The following CLUL1 variants were observed in gnomAD, a reference collection of about 807,000 sequenced individuals.
The protein encoded by CLUL1 is clusterin-like protein 1.
A neutral mutation model predicts 49.4 loss-of-function variants in CLUL1; 43 were observed. That is an observed-to-expected ratio of 0.87 (90% CI 0.68 to 1.12). CLUL1 has a LOEUF of 1.12. Among genes scored for constraint, CLUL1 ranks in the 50% most tolerant of loss-of-function variants. CLUL1 has a pLI of 0.00. For synonymous variants in CLUL1, 192 were observed against 184.9 expected (o/e 1.04, Z -0.31); for missense variants, 486 against 544.4 (o/e 0.89, Z 1.07).
intron 2 of CLUL1, among the ~76,000 whole-genome samples, chr18:610,856 G>A (rs1388991674): frequency 6.6e-6 from 1 of 152,082 alleles, no homozygotes; most frequent in Non-Finnish European, 1.5e-5. Flanking sequence ...GGGAAACATG[G>A]TGAGACCTTG....
At chr18:649,824 A>T in intron 9 of CLUL1, 74 bp from the exon 10 acceptor site, 1 of 1,039,790 alleles carries the variant, frequency 9.6e-7, no homozygotes, top group South Asian at 1.4e-5. Flanking sequence ...CTTTTACTCC[A>T]AGAAAAAATA....
chr18:641,614 G>A, intron 8 of CLUL1, 73 bp downstream of exon 8: 1 of 1,276,022 alleles, frequency 7.8e-7, no homozygotes, highest in Non-Finnish European at 1.1e-6. Context: ...ATTTACTTAT[G>A]AATTGTGTCT....
rs751234034 is a variant in CLUL1, at chr18:641,559, G to C, written c.1209+18G>C. On this transcript the variant is annotated intron_variant, in intron 8 of 9. Transcript: ENST00000692774. Reference sequence around the variant, plus strand: ...CAATACAGGTAAAGGAGAGACCCAAGAGCAGATACGGAAATGACACGTGCA... The same window carrying C: ...CAATACAGGTAAAGGAGAGACCCAACAGCAGATACGGAAATGACACGTGCA... 1.9e-6 allele frequency: 3 copies of C among 1,598,998 alleles called. No homozygotes were observed. The East Asian group carries it at 6.7e-5, about 36-fold the overall frequency.
chr18:636,906 C>T (rs983245284), intron 7 of CLUL1, among the ~76,000 whole-genome samples: 6 of 152,148 alleles, frequency 3.9e-5, no homozygotes, highest in African/African-American at 1.4e-4. Flanking sequence ...GGATTACAGG[C>T]GTGAGCCACC....
intron 7 of CLUL1, among the ~76,000 whole-genome samples, chr18:635,849 G>C (rs2074121036): frequency 6.6e-6 from 1 of 152,136 alleles, no homozygotes; most frequent in Non-Finnish European, 1.5e-5. Flanking sequence ...CGATTCTGCT[G>C]CCTCAGCCTC....
At chr18:612,756 A>G (rs1301477647) in intron 2 of CLUL1, 1 of 152,200 alleles carries the variant, frequency 6.6e-6, no homozygotes, top group African/African-American at 2.4e-5. Context: ...TTATTTGTGT[A>G]TTGTCCAGTT....
chr18:641,247 G>C (rs775353889), intron 7 of CLUL1, 80 bp from the exon 8 acceptor site: 2 of 1,149,924 alleles, frequency 1.7e-6, no homozygotes, highest in Non-Finnish European at 2.6e-6. Flanking sequence ...AGAATGTAAG[G>C]GCTGGGACTT....
rs973992528 is a variant in CLUL1 at position 607,126 on chromosome 18, T to G, written c.-14+27T>G. On this transcript the variant is annotated intron_variant, in intron 2 of 9. Coordinates refer to ENST00000692774, the MANE Select transcript of CLUL1 (RefSeq NM_001393344.1). ...TATGCACCGCTATACCCGTCTATCT[T>G]TTATTTATTTATTTATTTAGAGACA... is the stretch of plus-strand genomic sequence containing the variant. 7.2e-6 allele frequency: 5 copies of G among 695,366 alleles called. No homozygotes were observed. The African/African-American group carries it at 8.8e-5, about 12-fold the overall frequency. The allele number at this position is 695,366 out of a possible 1,614,324, so 43.1% of individuals were successfully genotyped here. A position where few individuals can be genotyped will look rare whatever the true frequency, so the allele number is the denominator to read the frequency against.
At chr18:641,272 C>A in intron 7 of CLUL1, 55 bp from the exon 8 acceptor site, 2 of 1,495,676 alleles carry the variant, frequency 1.3e-6, no homozygotes, top group South Asian at 1.2e-5. Flanking sequence ...CCATGTTGCC[C>A]ACCTCCAAGT....
Position 645,839 on chromosome 18 carries a change from A to G in CLUL1, c.1397+742A>G, listed in dbSNP as rs1173220418. Among the ~76,000 whole-genome samples the G allele has an allele frequency of 8.5e-4, 106 of 124,162 alleles. 10 individuals are homozygous for G. Among genetic ancestry groups the G allele is most frequent in the African/African-American group, 3.1e-3 (101 of 32,638 alleles). The allele number at this position is 124,162 out of a possible 152,430, so 81.5% of individuals were successfully genotyped here. A position where few individuals can be genotyped will look rare whatever the true frequency, so the allele number is the denominator to read the frequency against. ...TATATATATATATATATATATATAT[A>G]TATATATATATATGTTAAACATACT... On this transcript the variant is annotated intron_variant, in intron 9 of 9. Transcript: ENST00000692774.
chr18:649,743 A>G (rs547245739), intron 9 of CLUL1, 155 bp from the exon 10 acceptor site: 245 of 578,492 alleles, frequency 4.2e-4, no homozygotes, highest in Non-Finnish European at 6.8e-4. Flanking sequence ...TATGGGTTTC[A>G]CATTATTTTG....
intron 9 of CLUL1, among the ~76,000 whole-genome samples, chr18:645,663 G>A (rs1400085156): frequency 1.2e-4 from 18 of 149,334 alleles, no homozygotes; most frequent in East Asian, 5.9e-4. Flanking sequence ...GCGTGGTGGC[G>A]GGCGCCTGTA....
intron 4 of CLUL1, among the ~76,000 whole-genome samples, chr18:624,591 A>C (rs2073619080): frequency 6.6e-6 from 1 of 152,210 alleles, no homozygotes; most frequent in African/African-American, 2.4e-5. Context: ...CCACACCTAG[A>C]GTAATGTCTG....
At chr18:628,446 G>A (rs1464574990) in intron 6 of CLUL1, among the ~76,000 whole-genome samples, 1 of 152,126 alleles carries the variant, frequency 6.6e-6, no homozygotes, top group Non-Finnish European at 1.5e-5. Context: ...TTTTAAGGCG[G>A]CAGATATCTT....
chr18:625,862 G>A (rs570068794), intron 5 of CLUL1, among the ~76,000 whole-genome samples: 2 of 152,258 alleles, frequency 1.3e-5, no homozygotes, highest in East Asian at 1.9e-4. Flanking sequence ...TAATGAATGC[G>A]CCAAGTTAAT....
intron 8 of CLUL1, among the ~76,000 whole-genome samples, chr18:641,983 T>G (rs2074357047): frequency 6.6e-6 from 1 of 152,206 alleles, no homozygotes; most frequent in Non-Finnish European, 1.5e-5. Flanking sequence ...GTAACAATCA[T>G]AGCTATCTTA....
intron 1 of CLUL1, among the ~76,000 whole-genome samples, chr18:600,476 T>C (rs567309398): frequency 3.3e-5 from 5 of 152,312 alleles, no homozygotes; most frequent in Admixed American, 2.6e-4. Context: ...GGTACAGTAG[T>C]TGTGTCTGTA....
At chr18:598,258 A>G (rs1037048454) in intron 1 of CLUL1, 1 of 307,914 alleles carries the variant, frequency 3.2e-6, no homozygotes, top group Non-Finnish European at 5.9e-6. Context: ...ATGAATGCAT[A>G]GAAGAGGACA....
At chr18:640,590 C>T (rs1417898453) in intron 7 of CLUL1, among the ~76,000 whole-genome samples, 1 of 152,120 alleles carries the variant, frequency 6.6e-6, no homozygotes, top group African/African-American at 2.4e-5. Context: ...CATGTGAATG[C>T]ATGCTGCTCT....
Sources: gnomAD v4.1 joint callset for allele counts (sites outside exome capture counted in the v4.1 genomes callset) on GRCh38, gnomAD v4.1.1 for gene constraint, MANE v1.5 for transcripts, NCBI Gene and HGNC (gene_info 2026-07-23, HGNC 2026-07-21) for gene names.